BACH2: variants seen among roughly 807,000 people sequenced by gnomAD.
BACH2 encodes the protein BACH transcriptional regulator 2, also known as transcription regulator protein BACH2.
Under a neutral mutation model 61.8 loss-of-function variants are expected in BACH2, and 5 were observed. That is an observed-to-expected ratio of 0.08 (90% CI 0.04 to 0.17). The LOEUF (loss-of-function observed/expected upper bound fraction) is 0.17, where lower values mean the gene tolerates loss of function less well. BACH2 is among the 10% of genes least tolerant of loss of function. The pLI is 1.00. For missense variants in BACH2, 824 were observed against 1,091.1 expected, an observed-to-expected ratio of 0.76 and a Z score of 3.45; for synonymous variants, 446 against 440.1, an observed-to-expected ratio of 1.01 and a Z score of -0.17.
At chr6:90,288,230 A>G (rs1022318923) in intron 1 of BACH2, among the ~76,000 whole-genome samples, 13 of 152,156 alleles carry the variant, frequency 8.5e-5, no homozygotes, top group African/African-American at 2.9e-4. Context: ...CTACAAATCA[A>G]TGCAAGTAAT....
chr6:90,069,275 C>T (rs1385839825), intron 5 of BACH2, among the ~76,000 whole-genome samples: 6 of 152,172 alleles, frequency 3.9e-5, no homozygotes, highest in African/African-American at 9.7e-5. Context: ...TGCCTGTATC[C>T]GGATGGCAGT....
chr6:90,283,725 T>C (rs1049316287), intron 1 of BACH2, among the ~76,000 whole-genome samples: 5 of 151,532 alleles, frequency 3.3e-5, no homozygotes, highest in Non-Finnish European at 7.4e-5. Flanking sequence ...TTTTTAGGTC[T>C]GGCCAGGCAC....
At chr6:90,012,586 G>A (rs961907990) in intron 5 of BACH2, among the ~76,000 whole-genome samples, 1 of 149,744 alleles carries the variant, frequency 6.7e-6, no homozygotes, top group Admixed American at 6.7e-5. Context: ...CTGAGATTGC[G>A]CCACTGCACT....
chr6:90,149,953 A>C (rs989395755), intron 4 of BACH2, among the ~76,000 whole-genome samples: 4 of 152,192 alleles, frequency 2.6e-5, no homozygotes, highest in Admixed American at 6.5e-5. Context: ...GATGCCATTA[A>C]ATGGGAGGTC....
intron 1 of BACH2, among the ~76,000 whole-genome samples, chr6:90,277,588 G>A (rs188896141): frequency 4.6e-5 from 7 of 152,222 alleles, no homozygotes; most frequent in South Asian, 4.1e-4. Context: ...ATGGAAATTC[G>A]TCAGTAAGAT....
intron 4 of BACH2, among the ~76,000 whole-genome samples, chr6:90,105,028 A>T (rs886980619): frequency 6.6e-6 from 1 of 152,358 alleles, no homozygotes; most frequent in East Asian, 1.9e-4. Context: ...ATAAATTTTA[A>T]TATTTAAGCA....
intron 1 of BACH2, among the ~76,000 whole-genome samples, chr6:90,276,883 G>A (rs1292153849): frequency 3.9e-5 from 6 of 152,042 alleles, no homozygotes; most frequent in Admixed American, 2.0e-4. Context: ...GTGATATAAC[G>A]TCAGTATTTT....
chr6:90,123,801 G>A (rs1464406237), intron 4 of BACH2, among the ~76,000 whole-genome samples: 6 of 147,948 alleles, frequency 4.1e-5, no homozygotes, highest in Admixed American at 6.7e-5. Context: ...AAAGAAGACC[G>A]GTGGGAAAAC....
intron 6 of BACH2, among the ~76,000 whole-genome samples, chr6:89,968,627 T>C (rs1356446801): frequency 6.6e-6 from 1 of 152,230 alleles, no homozygotes; most frequent in Non-Finnish European, 1.5e-5. Flanking sequence ...GCATAAATGT[T>C]ACTAAATAAT....
rs150003328 is a variant in BACH2, at chr6:90,064,044, G to A, written c.-13+24917C>T. On this transcript the variant is annotated intron_variant, in intron 5 of 8. Coordinates refer to ENST00000257749, the MANE Select transcript of BACH2 (RefSeq NM_021813.4). ...AATATCAGTTATTTATTCATAAAAC[G>A]AAATTTTACCAAAAGTCTCCCTTAT... 2.0e-3 allele frequency among the ~76,000 whole-genome samples: 301 copies of A among 152,220 alleles called. 5 individuals are homozygous for A. In the Middle Eastern group the frequency reaches 0.037, roughly 19 times the overall value.
chr6:89,951,109 T>C lies in BACH2; in HGVS notation c.997A>G (p.Arg333Gly). Residue 333 changes from arginine to glycine, a missense_variant, in exon 7 of 9, where the codon AGG becomes GGG. This residue lies in a region of BACH2 where 226 missense variants were observed against 228.5 expected (regional missense o/e 0.99). Transcript: ENST00000257749. This position sits in a 1 kb window ranked among gnomAD's most constrained non-coding sequence, Gnocchi z 6.4. The part of the protein sequence containing the change: ...PAGAACLERS[R>G]SVASPSCLRS... ...AAGCAGGAGGGCGAGGCCACGCTCC[T>C]GGATCTCTCCAGGCAGGCGGCCCCA... 1 of 1,612,848 alleles carries C rather than the reference T, an allele frequency of 6.2e-7. No homozygotes were observed. Among genetic ancestry groups the C allele is most frequent in the African/African-American group, 1.3e-5 (1 of 75,012 alleles).
At chr6:90,250,150 C>T (rs752607831) in intron 3 of BACH2, among the ~76,000 whole-genome samples, 1 of 152,090 alleles carries the variant, frequency 6.6e-6, no homozygotes, top group Non-Finnish European at 1.5e-5. Flanking sequence ...TTCATATATG[C>T]CTTAAGGAAA....
At chr6:90,015,721 C>T (rs923516111) in intron 5 of BACH2, among the ~76,000 whole-genome samples, 2 of 152,154 alleles carry the variant, frequency 1.3e-5, no homozygotes, top group African/African-American at 4.8e-5. Context: ...TACATAAGCA[C>T]TTGAAATGTA....
intron 5 of BACH2, among the ~76,000 whole-genome samples, chr6:90,046,025 C>T (rs1390336535): frequency 2.6e-5 from 4 of 151,896 alleles, no homozygotes; most frequent in Non-Finnish European, 4.4e-5. Flanking sequence ...CTCTGTATCT[C>T]TGTGTAATAC....
At position 89,991,612 on chromosome 6, in the gene BACH2, A is replaced by T. The variant is rs78999522; in HGVS notation, c.243+16990T>A. 3.1e-3 allele frequency among the ~76,000 whole-genome samples: 467 copies of T among 152,290 alleles called. 2 individuals are homozygous for T. The highest frequency in any genetic ancestry group is 0.011 in the African/African-American group (458 of 41,554). On this transcript the variant is annotated intron_variant, in intron 6 of 8. Transcript: ENST00000257749. ...CGAGAACATTCTACATAACCAAAAT[A>T]CCATTTTTCCACCTAAAAAAAGTAA...
At chr6:90,179,943 A>AT (rs1365347686) in intron 4 of BACH2, among the ~76,000 whole-genome samples, 1 of 152,230 alleles carries the variant, frequency 6.6e-6, no homozygotes, top group East Asian at 1.9e-4. Context: ...CAATTGTAGA[A>AT]TAAAAAATTC....
intron 4 of BACH2, among the ~76,000 whole-genome samples, chr6:90,181,043 T>C (rs763588080): frequency 6.6e-6 from 1 of 152,154 alleles, no homozygotes; most frequent in Non-Finnish European, 1.5e-5. Flanking sequence ...AGTAGTGGGA[T>C]TGCTGGGTTG....
chr6:90,150,376 T>C (rs1164328313), intron 4 of BACH2, among the ~76,000 whole-genome samples: 1 of 152,174 alleles, frequency 6.6e-6, no homozygotes, highest in African/African-American at 2.4e-5. Flanking sequence ...GAGTTAAAGG[T>C]AGTTTTAATT....
intron 4 of BACH2, among the ~76,000 whole-genome samples, chr6:90,125,671 T>C (rs989446140): frequency 3.9e-5 from 6 of 152,198 alleles, no homozygotes; most frequent in Non-Finnish European, 7.4e-5. Flanking sequence ...CAGTGGCATG[T>C]GCAGACCATG....
Sources: gnomAD v4.1 joint callset for allele counts (sites outside exome capture counted in the v4.1 genomes callset) on GRCh38, gnomAD v4.1.1 for gene constraint, gnomAD v4.1.1 regional missense constraint, Gnocchi (gnomAD v3.1) non-coding constraint, MANE v1.5 for transcripts, NCBI Gene and HGNC (gene_info 2026-07-23, HGNC 2026-07-21) for gene names.